The following PVT1 variants were observed in gnomAD, a reference collection of about 807,000 sequenced individuals.
PVT1 encodes CXCR4/PVT1 fusion.
rs1229329168 is a variant in PVT1, at chr8:127,895,290, G to A, written n.782+4292G>A. On this transcript the variant is annotated intron_variant and non_coding_transcript_variant, in intron 3 of 10. Coordinates refer to ENST00000651587, the Ensembl canonical transcript of PVT1. ...GTTCAAGACCAGCCTAACCAACATAGCGAAACCCCATCACTACTAAAAATA... is the reference window on the plus strand; with the variant it reads ...GTTCAAGACCAGCCTAACCAACATAACGAAACCCCATCACTACTAAAAATA... Among the ~76,000 whole-genome samples, 3 of 152,110 alleles carry A rather than the reference G, an allele frequency of 2.0e-5. No homozygotes were observed. The South Asian group carries it at 6.2e-4, about 32-fold the overall frequency.
chr8:127,826,550 A>T (rs1356563531), intron 2 of PVT1, among the ~76,000 whole-genome samples: 1 of 152,142 alleles, frequency 6.6e-6, no homozygotes, highest in African/African-American at 2.4e-5. Context: ...CCAGATGGTG[A>T]GTGTCTATTT....
intron 3 of PVT1, among the ~76,000 whole-genome samples, chr8:127,987,018 G>A (rs61001266): frequency 0.031 from 4,642 of 152,186 alleles, 241 homozygotes; most frequent in African/African-American, 0.1. Flanking sequence ...GTCTCTTGGT[G>A]TCAGGCAGAC....
At chr8:127,819,976 T>A (rs1814711735) in intron 2 of PVT1, among the ~76,000 whole-genome samples, 1 of 152,216 alleles carries the variant, frequency 6.6e-6, no homozygotes, top group Admixed American at 6.5e-5. Flanking sequence ...GGAATGTCAC[T>A]AGATTGAGAT....
intron 6 of PVT1, among the ~76,000 whole-genome samples, chr8:128,097,103 G>A (rs1814438721): frequency 6.6e-6 from 1 of 152,240 alleles, no homozygotes. Flanking sequence ...GCTCACACCT[G>A]TAATCCCAGA....
chr8:127,934,857 C>T (rs1816253341), intron 3 of PVT1, among the ~76,000 whole-genome samples: 1 of 152,150 alleles, frequency 6.6e-6, no homozygotes, highest in African/African-American at 2.4e-5. Context: ...GCAGCCTCCA[C>T]TTTTGTTGCT....
chr8:128,009,940 C>T (rs962582021), intron 4 of PVT1, among the ~76,000 whole-genome samples: 1 of 152,186 alleles, frequency 6.6e-6, no homozygotes, highest in African/African-American at 2.4e-5. Flanking sequence ...AGCATGATTT[C>T]AGGAAAGTCG....
intron 2 of PVT1, among the ~76,000 whole-genome samples, chr8:127,872,342 G>C (rs1385072188): frequency 6.6e-6 from 1 of 152,168 alleles, no homozygotes; most frequent in Non-Finnish European, 1.5e-5. Flanking sequence ...GAACCCAGGA[G>C]GTGGAGATTG....
intron 2 of PVT1, among the ~76,000 whole-genome samples, chr8:127,829,807 A>G (rs1586397237): frequency 6.6e-6 from 1 of 152,234 alleles, no homozygotes; most frequent in African/African-American, 2.4e-5. Flanking sequence ...CCTTTCAACA[A>G]CAGATATTTA....
chr8:127,895,934 T>G (rs1424088919), intron 3 of PVT1, among the ~76,000 whole-genome samples: 3 of 152,230 alleles, frequency 2.0e-5, no homozygotes, highest in Non-Finnish European at 1.5e-5. Context: ...AAACTTTATT[T>G]ACAAGAACTG....
intron 3 of PVT1, among the ~76,000 whole-genome samples, chr8:127,967,769 A>T (rs1816719561): frequency 1.3e-5 from 2 of 152,254 alleles, no homozygotes; most frequent in Non-Finnish European, 1.5e-5. Context: ...CTACATCCAG[A>T]TAAGGAGAAG....
intron 2 of PVT1, among the ~76,000 whole-genome samples, chr8:127,835,412 C>G (rs1343975692): frequency 6.8e-6 from 1 of 146,884 alleles, no homozygotes; most frequent in East Asian, 2.0e-4. Flanking sequence ...CATATGGACA[C>G]AGGGAGGGGA....
chr8:127,907,121 C>T (rs906788970), intron 3 of PVT1, among the ~76,000 whole-genome samples: 47 of 152,160 alleles, frequency 3.1e-4, no homozygotes, highest in African/African-American at 1.1e-3. Flanking sequence ...CCACCGCACC[C>T]GGCTAATTTT....
At chr8:127,999,481 A>G (rs1411846700) in intron 4 of PVT1, among the ~76,000 whole-genome samples, 16 of 144,094 alleles carry the variant, frequency 1.1e-4, no homozygotes, top group Non-Finnish European at 1.1e-4. Flanking sequence ...TTTTTTTTTG[A>G]AATGGATTCT....
chr8:127,837,962 A>G (rs975528971), intron 2 of PVT1, among the ~76,000 whole-genome samples: 28 of 151,212 alleles, frequency 1.9e-4, no homozygotes, highest in African/African-American at 6.8e-4. Flanking sequence ...CAGTGGTGCA[A>G]TCTCGGCTCA....
intron 2 of PVT1, chr8:127,854,608 C>T (rs1815142448): frequency 6.6e-6 from 1 of 152,272 alleles, no homozygotes; most frequent in Admixed American, 6.5e-5. Context: ...CTCGGTCCGC[C>T]TTACAGGATC....
intron 4 of PVT1, among the ~76,000 whole-genome samples, chr8:128,023,151 AG>A (rs1361802659): frequency 6.6e-6 from 1 of 152,220 alleles, no homozygotes; most frequent in Non-Finnish European, 1.5e-5. Context: ...TATAGGCATG[AG>A]CCACTGTATC....
chr8:128,071,927 C>T (rs1296016614), intron 5 of PVT1, among the ~76,000 whole-genome samples: 2 of 152,066 alleles, frequency 1.3e-5, no homozygotes, highest in African/African-American at 2.4e-5. Context: ...AAAGTCACTT[C>T]ATTTTTTGTA....
chr8:128,058,049 C>A (rs762255663), intron 4 of PVT1, among the ~76,000 whole-genome samples: 48 of 152,200 alleles, frequency 3.2e-4, no homozygotes, highest in Non-Finnish European at 6.0e-4. Context: ...CTCCTCTCTG[C>A]AAATACTGTA....
chr8:127,806,859 T>C (rs1159880519), intron 2 of PVT1, among the ~76,000 whole-genome samples: 1 of 152,220 alleles, frequency 6.6e-6, no homozygotes, highest in African/African-American at 2.4e-5. Context: ...TTCCATGTTG[T>C]TCTATGCATC....
Sources: allele counts gnomAD v4.1 joint callset (sites outside exome capture counted in the v4.1 genomes callset), GRCh38; gene constraint gnomAD v4.1.1; transcripts MANE v1.5; gene names NCBI Gene and HGNC (gene_info 2026-07-23, HGNC 2026-07-21).